The following TBCK variants were observed in gnomAD, a reference collection of about 807,000 sequenced individuals.
The protein encoded by TBCK is TBC1 domain containing kinase.
A neutral mutation model predicts 113.4 loss-of-function variants in TBCK; 99 were observed. The observed-to-expected ratio is 0.87, with a 90% CI of 0.74 to 1.03. The LOEUF is 1.03. Ranked by LOEUF, TBCK falls within the 50% of genes least tolerant of loss-of-function variation. The pLI is 0.00. For missense variants in TBCK, 1,045 were observed against 1,061.3 expected, an observed-to-expected ratio of 0.98 and a Z score of 0.21; for synonymous variants, 369 against 370.8, an observed-to-expected ratio of 1.00 and a Z score of 0.05.
At chr4:106,241,574 C>G (rs1020130508) in intron 12 of TBCK, among the ~76,000 whole-genome samples, 1 of 151,722 alleles carries the variant, frequency 6.6e-6, no homozygotes, top group African/African-American at 2.4e-5. Flanking sequence ...TATCAAGGCC[C>G]AGAAACATAT....
At chr4:106,214,525 C>T (rs974441098) in intron 19 of TBCK, among the ~76,000 whole-genome samples, 35 of 152,038 alleles carry the variant, frequency 2.3e-4, no homozygotes, top group African/African-American at 4.6e-4. Flanking sequence ...CTTAAAGGAG[C>T]TGATGGAGCT....
At chr4:106,079,229 C>G (rs1010991506) in intron 25 of TBCK, among the ~76,000 whole-genome samples, 7 of 152,150 alleles carry the variant, frequency 4.6e-5, no homozygotes, top group African/African-American at 7.2e-5. Context: ...AATAAACAGG[C>G]AAAAGCTGGA....
Position 106,160,306 on chromosome 4 carries a change from T to C in TBCK, c.2235+10789A>G, listed in dbSNP as rs570562635. 8.1e-4 allele frequency among the ~76,000 whole-genome samples: 123 copies of C among 151,890 alleles called. 1 individual carries two copies. Among genetic ancestry groups the C allele is most frequent in the African/African-American group, 2.6e-3 (106 of 41,478 alleles). On this transcript the variant is annotated intron_variant, in intron 23 of 25. Transcript: ENST00000394708. ...TTTGTGAAATAAAATATTTTGTGCATCAAAAGACACTCAACAGAGTAAAAT... is the reference window on the plus strand; with the variant it reads ...TTTGTGAAATAAAATATTTTGTGCACCAAAAGACACTCAACAGAGTAAAAT...
chr4:106,078,803 T>C (rs753410896), intron 25 of TBCK, among the ~76,000 whole-genome samples: 4 of 151,350 alleles, frequency 2.6e-5, no homozygotes, highest in Non-Finnish European at 5.9e-5. Context: ...GCCAGCATCA[T>C]CCTCATACCA....
intron 20 of TBCK, among the ~76,000 whole-genome samples, chr4:106,208,839 C>A (rs1195938709): frequency 6.6e-6 from 1 of 152,170 alleles, no homozygotes; most frequent in East Asian, 1.9e-4. Flanking sequence ...TGTAACACCC[C>A]CTTTGGGGCT....
rs1282674372 is a variant in TBCK at position 106,140,858 on chromosome 4, A to G, written c.2236-24480T>C. Among the ~76,000 whole-genome samples, 23 of 140,228 alleles carry G rather than the reference A, an allele frequency of 1.6e-4. 1 individual carries two copies. Among genetic ancestry groups the G allele is most frequent in the Admixed American group, 1.6e-3 (23 of 14,186 alleles). The allele number at this position is 140,228 out of a possible 152,430, so 92.0% of individuals were successfully genotyped here. On this transcript the variant is annotated intron_variant, in intron 23 of 25. Transcript: ENST00000394708. ...AAGTTTGGTAGTTTCTGATAGGATC[A>G]AGGCCCTCCACATAAATAGAAATTA...
intron 25 of TBCK, among the ~76,000 whole-genome samples, chr4:106,084,774 G>A (rs1739306923): frequency 6.6e-6 from 1 of 152,300 alleles, no homozygotes; most frequent in East Asian, 1.9e-4. Flanking sequence ...GAAGAGACTG[G>A]GGGCTAATAT....
chr4:106,119,573 T>A (rs953943935), intron 23 of TBCK, among the ~76,000 whole-genome samples: 1 of 152,134 alleles, frequency 6.6e-6, no homozygotes, highest in African/African-American at 2.4e-5. Context: ...GGAGAAAACA[T>A]TGTGGAAATG....
intron 8 of TBCK, among the ~76,000 whole-genome samples, chr4:106,248,643 C>A (rs1761095279): frequency 6.6e-6 from 1 of 152,134 alleles, no homozygotes. Flanking sequence ...GTAATTAGGT[C>A]ATAAGGGCTC....
chr4:106,203,679 T>C (rs1334802523), intron 20 of TBCK, among the ~76,000 whole-genome samples: 5 of 151,364 alleles, frequency 3.3e-5, no homozygotes, highest in Non-Finnish European at 7.4e-5. Context: ...GATAATTTAA[T>C]GGTTCTGAGA....
intron 25 of TBCK, among the ~76,000 whole-genome samples, chr4:106,069,770 C>T (rs1005602218): frequency 6.6e-6 from 1 of 152,168 alleles, no homozygotes; most frequent in Non-Finnish European, 1.5e-5. Flanking sequence ...TTCTTCCTAT[C>T]CATGAGCATG....
At chr4:106,242,423 A>G in intron 12 of TBCK, 47 bp downstream of exon 12, 1 of 1,433,822 alleles carries the variant, frequency 7.0e-7, no homozygotes, top group Non-Finnish European at 9.5e-7. Context: ...TAAGGTTTTA[A>G]TTAAAGAAAA....
chr4:106,287,379 G>A (rs909538385), intron 3 of TBCK, among the ~76,000 whole-genome samples: 10 of 152,128 alleles, frequency 6.6e-5, no homozygotes, highest in Non-Finnish European at 1.5e-5. Flanking sequence ...TGTTTTGTAG[G>A]AGTGTTTTTT....
chr4:106,266,159 T>C lies in TBCK; in HGVS notation c.267-3947A>G, dbSNP rs188702681. On this transcript the variant is annotated intron_variant, in intron 3 of 25. Coordinates refer to ENST00000394708, the MANE Select transcript of TBCK (RefSeq NM_001163435.3). Reference sequence around the variant, plus strand: ...AATAGTTATAGAGGCAAAGATTTTATGTAAAAGCACAATTACATTGATAAA... The same window carrying C: ...AATAGTTATAGAGGCAAAGATTTTACGTAAAAGCACAATTACATTGATAAA... Among the ~76,000 whole-genome samples the C allele has an allele frequency of 3.9e-3, 596 of 151,912 alleles. 5 individuals are homozygous for C. Among genetic ancestry groups the C allele is most frequent in the African/African-American group, 0.014 (568 of 41,514 alleles).
intron 12 of TBCK, chr4:106,238,454 G>A (rs1395497652): frequency 6.6e-6 from 1 of 152,082 alleles, no homozygotes; most frequent in East Asian, 1.9e-4. Flanking sequence ...GTTAATAACT[G>A]TGGTCTAGAG....
At chr4:106,190,037 T>C (rs1295558526) in intron 22 of TBCK, among the ~76,000 whole-genome samples, 1 of 152,208 alleles carries the variant, frequency 6.6e-6, no homozygotes, top group Non-Finnish European at 1.5e-5. Flanking sequence ...TGTTTTAAAC[T>C]CCTATTGTTT....
intron 24 of TBCK, 76 bp downstream of exon 24, chr4:106,116,127 C>A: frequency 2.2e-6 from 3 of 1,382,194 alleles, no homozygotes; most frequent in East Asian, 2.4e-5. Context: ...TTTTTTTTAA[C>A]CACACAACAC....
intron 25 of TBCK, among the ~76,000 whole-genome samples, chr4:106,066,328 C>A (rs1344025221): frequency 3.3e-5 from 5 of 151,820 alleles, no homozygotes; most frequent in Non-Finnish European, 7.4e-5. Flanking sequence ...AGAAGAAAAG[C>A]TGTTAGTTTC....
intron 24 of TBCK, among the ~76,000 whole-genome samples, chr4:106,107,347 C>A (rs1742286849): frequency 6.6e-6 from 1 of 152,176 alleles, no homozygotes; most frequent in Admixed American, 6.5e-5. Context: ...CTTCTCATTA[C>A]CACATGGCAC....
Sources: gnomAD v4.1 joint callset for allele counts (sites outside exome capture counted in the v4.1 genomes callset) on GRCh38, gnomAD v4.1.1 for gene constraint, MANE v1.5 for transcripts, NCBI Gene and HGNC (gene_info 2026-07-23, HGNC 2026-07-21) for gene names.